Variants in FBXL17 observed in about 807,000 individuals in gnomAD.
FBXL17 encodes F-box/LRR-repeat protein 17.
FBXL17 carries 22 observed loss-of-function variants against 66.2 expected under a neutral mutation model. The observed-to-expected ratio is 0.33, with a 90% CI of 0.24 to 0.47. The LOEUF is 0.47. Among genes scored for constraint, FBXL17 ranks in the 20% least tolerant of loss-of-function variants. The pLI is 1.00. For missense variants in FBXL17, 878 were observed against 948.2 expected (o/e 0.93, Z 0.97); for synonymous variants, 474 against 400.5 (o/e 1.18, Z -2.19).
At chr5:108,321,641 G>A (rs759312332) in intron 4 of FBXL17, among the ~76,000 whole-genome samples, 1 of 151,162 alleles carries the variant, frequency 6.6e-6, no homozygotes, top group Non-Finnish European at 1.5e-5. Context: ...AAAAAGTGCT[G>A]TTTTGACTTT....
chr5:108,055,865 AG>A (rs1007451321), intron 6 of FBXL17, among the ~76,000 whole-genome samples: 1 of 152,012 alleles, frequency 6.6e-6, no homozygotes, highest in South Asian at 2.1e-4. Flanking sequence ...AAGAAAAAAA[AG>A]TCTAGTCCTC....
chr5:108,183,034 A>AT (rs34101023), intron 6 of FBXL17, among the ~76,000 whole-genome samples: 8,434 of 91,408 alleles, frequency 0.092, 1,092 homozygotes, highest in African/African-American at 0.3. Context: ...ACAGTTTTCT[A>AT]TTTTTTTTTT....
chr5:107,931,007 G>A lies in FBXL17; in HGVS notation c.1823-49828C>T, dbSNP rs184539520. 1.1e-3 allele frequency among the ~76,000 whole-genome samples: 174 copies of A among 151,890 alleles called. 2 individuals are homozygous for A. Among genetic ancestry groups the A allele is most frequent in the African/African-American group, 4.1e-3 (170 of 41,408 alleles). On this transcript the variant is annotated intron_variant, in intron 7 of 8. Transcript: ENST00000542267. Reference sequence around the variant, plus strand: ...AAATAAAGACATTTTTTTCCCTGGGGCTATGTATACAGCCTTTGTGACCAG... The same window carrying A: ...AAATAAAGACATTTTTTTCCCTGGGACTATGTATACAGCCTTTGTGACCAG...
At chr5:108,275,033 C>G (rs1441789641) in intron 4 of FBXL17, among the ~76,000 whole-genome samples, 1 of 152,148 alleles carries the variant, frequency 6.6e-6, no homozygotes, top group African/African-American at 2.4e-5. Context: ...TGTAATCCTC[C>G]AAAACAGAGT....
Position 108,138,594 on chromosome 5 carries a change from A to G in FBXL17, c.1745+47523T>C, listed in dbSNP as rs190578622. ...GAGGGGACAAAGATAAATTACAGGTAGTCATAAAGAAAGTTTAATTTTTCC... is the reference window on the plus strand; with the variant it reads ...GAGGGGACAAAGATAAATTACAGGTGGTCATAAAGAAAGTTTAATTTTTCC... On this transcript the variant is annotated intron_variant, in intron 6 of 8. Coordinates refer to ENST00000542267, the MANE Select transcript of FBXL17 (RefSeq NM_001163315.3). Among the ~76,000 whole-genome samples, 29 of 152,346 alleles carry G rather than the reference A, an allele frequency of 1.9e-4. No homozygotes were observed. In the East Asian group the frequency reaches 4.8e-3, roughly 25 times the overall value.
chr5:107,993,467 T>A (rs1447450774), intron 7 of FBXL17, among the ~76,000 whole-genome samples: 1 of 152,196 alleles, frequency 6.6e-6, no homozygotes. Context: ...ACTAAATACA[T>A]ATGATTTTCT....
chr5:108,053,487 G>T (rs1442057823), intron 6 of FBXL17, among the ~76,000 whole-genome samples: 1 of 151,930 alleles, frequency 6.6e-6, no homozygotes, highest in African/African-American at 2.4e-5. Flanking sequence ...AGACAACAGA[G>T]TGAGACTCCA....
intron 7 of FBXL17, among the ~76,000 whole-genome samples, chr5:107,942,579 G>A (rs927322843): frequency 1.3e-5 from 2 of 152,056 alleles, no homozygotes; most frequent in Non-Finnish European, 2.9e-5. Flanking sequence ...TTTGGCTGGA[G>A]CTTTTTCCAC....
In FBXL17 at chr5:108,031,216, C is replaced by T. The variant is rs1006474131; in HGVS notation, c.1746-10215G>A. 4.6e-5 allele frequency among the ~76,000 whole-genome samples: 7 copies of T among 152,152 alleles called. No individual in the cohort carries two copies. In the South Asian group the frequency reaches 1.5e-3, roughly 32 times the overall value. On this transcript the variant is annotated intron_variant, in intron 6 of 8. Transcript: ENST00000542267. Reference sequence around the variant, plus strand: ...GGGAAAAAGAAAAGAAATAATACTCCATATATTGCACAATTACTAAGGAGC... The same window carrying T: ...GGGAAAAAGAAAAGAAATAATACTCTATATATTGCACAATTACTAAGGAGC...
At chr5:108,172,385 C>A (rs1022949020) in intron 6 of FBXL17, among the ~76,000 whole-genome samples, 1 of 152,122 alleles carries the variant, frequency 6.6e-6, no homozygotes, top group Non-Finnish European at 1.5e-5. Flanking sequence ...AAGGATAAAG[C>A]AAAAGACTCC....
chr5:108,092,046 T>G (rs996283494), intron 6 of FBXL17, among the ~76,000 whole-genome samples: 1 of 152,242 alleles, frequency 6.6e-6, no homozygotes, highest in Admixed American at 6.5e-5. Context: ...GCTTTGGCGC[T>G]GTCCTGTAAT....
intron 6 of FBXL17, among the ~76,000 whole-genome samples, chr5:108,056,823 C>T (rs1326621058): frequency 6.6e-6 from 1 of 152,208 alleles, no homozygotes; most frequent in Non-Finnish European, 1.5e-5. Flanking sequence ...GACAGCTTTT[C>T]TCAAAAATAC....
intron 5 of FBXL17, among the ~76,000 whole-genome samples, chr5:108,190,181 G>C (rs1207161653): frequency 6.6e-6 from 1 of 152,192 alleles, no homozygotes; most frequent in Non-Finnish European, 1.5e-5. Context: ...CTCAAGACAA[G>C]GGGAATATCC....
intron 4 of FBXL17, among the ~76,000 whole-genome samples, chr5:108,325,197 A>G (rs2150226481): frequency 6.6e-6 from 1 of 152,228 alleles, no homozygotes; most frequent in African/African-American, 2.4e-5. Context: ...TATGTTATAT[A>G]TATTTTACCA....
At chr5:108,228,777 G>A (rs763190332) in intron 4 of FBXL17, among the ~76,000 whole-genome samples, 3 of 152,084 alleles carry the variant, frequency 2.0e-5, no homozygotes, top group Non-Finnish European at 4.4e-5. Context: ...TCATAATTTG[G>A]GGGTTTTCAG....
At chr5:108,053,480 C>T (rs1222063786) in intron 6 of FBXL17, among the ~76,000 whole-genome samples, 2 of 151,814 alleles carry the variant, frequency 1.3e-5, no homozygotes, top group African/African-American at 2.4e-5. Flanking sequence ...CCAACCTAGA[C>T]AACAGAGTGA....
At chr5:108,196,742 A>G (rs1351092917) in intron 5 of FBXL17, among the ~76,000 whole-genome samples, 1 of 152,176 alleles carries the variant, frequency 6.6e-6, no homozygotes, top group Admixed American at 6.6e-5. Context: ...CATGCTTTTA[A>G]AGTTCTTCTA....
intron 4 of FBXL17, among the ~76,000 whole-genome samples, chr5:108,246,607 A>G (rs749055604): frequency 6.6e-6 from 1 of 152,218 alleles, no homozygotes; most frequent in Non-Finnish European, 1.5e-5. Flanking sequence ...TCATTTCACA[A>G]CCCAACAGTC....
At chr5:108,350,597 T>C (rs1221066869) in intron 3 of FBXL17, among the ~76,000 whole-genome samples, 1 of 152,186 alleles carries the variant, frequency 6.6e-6, no homozygotes, top group Non-Finnish European at 1.5e-5. Flanking sequence ...TCTACAGACT[T>C]AGATAAACTT....
Sources: allele counts gnomAD v4.1 joint callset (sites outside exome capture counted in the v4.1 genomes callset), GRCh38; gene constraint gnomAD v4.1.1; transcripts MANE v1.5; gene names NCBI Gene and HGNC (gene_info 2026-07-23, HGNC 2026-07-21).